The following MAPK10 variants were observed in gnomAD, a reference collection of about 807,000 sequenced individuals.
The protein encoded by MAPK10 is mitogen-activated protein kinase 10.
In MAPK10, 25 loss-of-function variants were observed where a neutral mutation model predicts 59.3. That is an observed-to-expected ratio of 0.42 (90% CI 0.31 to 0.59). The LOEUF is 0.59. Ranked by LOEUF, MAPK10 falls within the 20% of genes least tolerant of loss-of-function variation. The pLI, the probability that MAPK10 is intolerant of heterozygous loss-of-function variation, is 0.15. For synonymous variants in MAPK10, 190 were observed against 200.5 expected, an observed-to-expected ratio of 0.95 and a Z score of 0.44; for missense variants, 351 against 568.9, an observed-to-expected ratio of 0.62 and a Z score of 3.90.
In MAPK10 at chr4:86,566,759, C is replaced by A. The variant is rs117019538; in HGVS notation, c.-263+27151G>T. On this transcript the variant is annotated intron_variant, in intron 1 of 4. Transcript: ENST00000502302. ...ATTGTAACTAATCATCACCAATGTCCTTAATTTTTCACTTAAGCATGGTAA... is the reference window on the plus strand; with the variant it reads ...ATTGTAACTAATCATCACCAATGTCATTAATTTTTCACTTAAGCATGGTAA... Among the ~76,000 whole-genome samples the A allele has an allele frequency of 3.3e-5, 5 of 151,908 alleles. No individual in the cohort carries two copies. In the East Asian group the frequency reaches 9.7e-4, roughly 29 times the overall value.
At chr4:86,046,127 A>T (rs1310162644) in intron 11 of MAPK10, among the ~76,000 whole-genome samples, 2 of 151,876 alleles carry the variant, frequency 1.3e-5, no homozygotes, top group Admixed American at 6.6e-5. Context: ...GTGTATAAGA[A>T]TGCTTGTGAT....
At chr4:86,123,098 C>T (rs1053313416) in intron 4 of MAPK10, among the ~76,000 whole-genome samples, 1 of 152,044 alleles carries the variant, frequency 6.6e-6, no homozygotes. Flanking sequence ...TCATAATACA[C>T]ACTTTCCATA....
chr4:86,351,463 A>G (rs1731442672), intron 2 of MAPK10, among the ~76,000 whole-genome samples: 1 of 151,912 alleles, frequency 6.6e-6, no homozygotes, highest in Non-Finnish European at 1.5e-5. Flanking sequence ...CCTAGCCGAC[A>G]GGTATTAAAA....
chr4:86,142,598 T>C (rs1217892867), intron 4 of MAPK10, among the ~76,000 whole-genome samples: 4 of 152,248 alleles, frequency 2.6e-5, no homozygotes, highest in Non-Finnish European at 4.4e-5. Flanking sequence ...GATTGTTTTA[T>C]TTCTTGAGAA....
intron 1 of MAPK10, among the ~76,000 whole-genome samples, chr4:86,541,841 C>T (rs945065891): frequency 6.6e-6 from 1 of 151,898 alleles, no homozygotes; most frequent in African/African-American, 2.4e-5. Flanking sequence ...TCCTTTCCTT[C>T]CTTAAGTTTG....
chr4:86,075,043 G>T (rs2149014633), intron 9 of MAPK10, among the ~76,000 whole-genome samples: 1 of 149,138 alleles, frequency 6.7e-6, no homozygotes, highest in East Asian at 2.0e-4. Flanking sequence ...ATCAGACCTA[G>T]ATTTGGTCTT....
intron 3 of MAPK10, among the ~76,000 whole-genome samples, chr4:86,166,313 C>T (rs6836163): frequency 0.085 from 12,914 of 152,106 alleles, 1,217 homozygotes; most frequent in African/African-American, 0.23. Flanking sequence ...TAATATTAGC[C>T]CTTGTTTCTT....
chr4:86,020,156 T>G (rs575730588), intron 13 of MAPK10: 97 of 152,340 alleles, frequency 6.4e-4, no homozygotes, highest in African/African-American at 2.2e-3. Flanking sequence ...TTCTGAACAT[T>G]TCATGTAAAT....
At chr4:86,488,527 A>C (rs898113342) in intron 1 of MAPK10, among the ~76,000 whole-genome samples, 2 of 152,206 alleles carry the variant, frequency 1.3e-5, no homozygotes, top group South Asian at 4.1e-4. Flanking sequence ...TGTCTTGGGC[A>C]ACATTTTAAA....
chr4:86,470,342 A>G (rs1752558829), intron 1 of MAPK10, among the ~76,000 whole-genome samples: 1 of 152,198 alleles, frequency 6.6e-6, no homozygotes, highest in Admixed American at 6.5e-5. Flanking sequence ...ATGGTTATAG[A>G]GAAAATAACA....
chr4:86,286,168 T>C (rs2095000385), intron 2 of MAPK10, among the ~76,000 whole-genome samples: 1 of 152,192 alleles, frequency 6.6e-6, no homozygotes, highest in African/African-American at 2.4e-5. Flanking sequence ...TTTAAAGAAA[T>C]GTGTAAACCA....
intron 1 of MAPK10, among the ~76,000 whole-genome samples, chr4:86,441,617 T>C (rs1417277501): frequency 6.6e-6 from 1 of 152,218 alleles, no homozygotes; most frequent in Non-Finnish European, 1.5e-5. Context: ...ATTTTCCAAG[T>C]CATTCAAAAG....
intron 1 of MAPK10, among the ~76,000 whole-genome samples, chr4:86,508,163 G>T (rs991596186): frequency 6.6e-6 from 1 of 152,022 alleles, no homozygotes; most frequent in African/African-American, 2.4e-5. Context: ...TTTTCTTTTA[G>T]AGAATCTTCC....
rs528138358 is a variant in MAPK10 at position 86,266,782 on chromosome 4, A to G, written c.-6-72375T>C. On this transcript the variant is annotated intron_variant, in intron 2 of 13. Transcript: ENST00000641462. ...AAGCTTTGAATTTATTACTAAATCTACATCTATATAACCATCTAAACAACC... is the reference window on the plus strand; with the variant it reads ...AAGCTTTGAATTTATTACTAAATCTGCATCTATATAACCATCTAAACAACC... Among the ~76,000 whole-genome samples the G allele has an allele frequency of 2.0e-5, 3 of 152,244 alleles. No homozygotes were observed. The South Asian group carries it at 6.2e-4, about 32-fold the overall frequency.
rs146437969 is a variant in MAPK10 at position 86,302,598 on chromosome 4, T to C, written c.-7+51932A>G. Among the ~76,000 whole-genome samples the C allele has an allele frequency of 2.6e-5, 4 of 152,314 alleles. No homozygotes were observed. The East Asian group carries it at 7.7e-4, about 29-fold the overall frequency. ...TCAAATTTTACTGCTGATTTTTAAGTCTACTATTTGTAAGTGACCTATTTA... is the reference window on the plus strand; with the variant it reads ...TCAAATTTTACTGCTGATTTTTAAGCCTACTATTTGTAAGTGACCTATTTA... On this transcript the variant is annotated intron_variant, in intron 2 of 13. Coordinates refer to ENST00000641462, the MANE Select transcript of MAPK10 (RefSeq NM_138982.4).
At chr4:86,377,996 C>T (rs1740082349) in intron 1 of MAPK10, among the ~76,000 whole-genome samples, 2 of 152,018 alleles carry the variant, frequency 1.3e-5, no homozygotes, top group South Asian at 4.2e-4. Flanking sequence ...CTTTCCCAAC[C>T]CACTGACTCA....
Position 86,503,923 on chromosome 4 carries a change from A to G in MAPK10, c.-263+89987T>C, listed in dbSNP as rs137957302. Among the ~76,000 whole-genome samples, 33 of 152,166 alleles carry G rather than the reference A, an allele frequency of 2.2e-4. No homozygotes were observed. The East Asian group carries it at 5.8e-3, about 27-fold the overall frequency. On this transcript the variant is annotated intron_variant, in intron 1 of 4. Coordinates refer to the MAPK10 transcript ENST00000502302. ...TTGCTCTTACCCAAGGACAGCAAAC[A>G]TGCTCCCACCTCTTGGGCTTTGTAC...
At chr4:86,124,955 A>G (rs2059832995) in intron 4 of MAPK10, 1 of 151,974 alleles carries the variant, frequency 6.6e-6, no homozygotes, top group Non-Finnish European at 1.5e-5. Flanking sequence ...TTTCTTGGAT[A>G]ATGGAACACT....
chr4:86,192,856 C>A (rs1467788801), intron 3 of MAPK10: 1 of 152,076 alleles, frequency 6.6e-6, no homozygotes, highest in African/African-American at 2.4e-5. Context: ...AAGAGGCATT[C>A]TGGCTTTTGG....
Sources: allele counts gnomAD v4.1 joint callset (sites outside exome capture counted in the v4.1 genomes callset), GRCh38; gene constraint gnomAD v4.1.1; transcripts MANE v1.5; gene names NCBI Gene and HGNC (gene_info 2026-07-23, HGNC 2026-07-21).